The following ZNF827 variants were observed in gnomAD, a reference collection of about 807,000 sequenced individuals.
ZNF827 encodes zinc finger protein 827.
ZNF827 carries 13 observed loss-of-function variants against 102.4 expected under a neutral mutation model. The ratio of observed to expected loss-of-function variants is 0.13; its 90% CI spans 0.08 to 0.20. The LOEUF (loss-of-function observed/expected upper bound fraction) is 0.20. ZNF827 is among the 10% of genes least tolerant of loss of function. The pLI is 1.00. For synonymous variants in ZNF827, 523 were observed against 536.2 expected, an observed-to-expected ratio of 0.98 and a Z score of 0.34; for missense variants, 1,103 against 1,344.4, an observed-to-expected ratio of 0.82 and a Z score of 2.81.
At chr4:145,814,935 T>C (rs956011462) in intron 8 of ZNF827, among the ~76,000 whole-genome samples, 1 of 152,112 alleles carries the variant, frequency 6.6e-6, no homozygotes, top group Admixed American at 6.5e-5. Flanking sequence ...AGCAAGACTC[T>C]GTCTTGGAAA....
chr4:145,830,187 A>G (rs180839265), intron 7 of ZNF827, among the ~76,000 whole-genome samples: 1 of 152,362 alleles, frequency 6.6e-6, no homozygotes, highest in Admixed American at 6.5e-5. Flanking sequence ...AAAGGAAATG[A>G]GAACAAACCG....
At chr4:145,874,586 TGA>T (rs1748993696) in intron 4 of ZNF827, among the ~76,000 whole-genome samples, 1 of 152,222 alleles carries the variant, frequency 6.6e-6, no homozygotes, top group African/African-American at 2.4e-5. Context: ...ACATGTGCAG[TGA>T]GAGGTGGAAT....
At chr4:145,772,979 G>T (rs1228494603) in intron 11 of ZNF827, among the ~76,000 whole-genome samples, 1 of 152,156 alleles carries the variant, frequency 6.6e-6, no homozygotes, top group East Asian at 1.9e-4. Flanking sequence ...TAGCCATATG[G>T]TTTCTATGGT....
At chr4:145,837,524 A>G (rs562357923) in intron 7 of ZNF827, among the ~76,000 whole-genome samples, 2,486 of 152,134 alleles carry the variant, frequency 0.016, 60 homozygotes, top group African/African-American at 0.056. Context: ...TCATACTCCT[A>G]TTCACCGTTC....
intron 4 of ZNF827, among the ~76,000 whole-genome samples, chr4:145,879,155 C>T (rs943917014): frequency 1.3e-5 from 2 of 152,112 alleles, no homozygotes; most frequent in African/African-American, 4.8e-5. Flanking sequence ...ATTAAGTAGT[C>T]AAGAGCCAAC....
chr4:145,822,593 G>A (rs894747535), intron 8 of ZNF827, among the ~76,000 whole-genome samples: 5 of 152,198 alleles, frequency 3.3e-5, no homozygotes, highest in Admixed American at 2.6e-4. Flanking sequence ...AATGTGGATG[G>A]AGGCTACCGA....
chr4:145,795,966 A>G (rs1359593919), intron 8 of ZNF827, among the ~76,000 whole-genome samples: 3 of 152,226 alleles, frequency 2.0e-5, no homozygotes, highest in African/African-American at 7.2e-5. Context: ...TTTGGCCCAC[A>G]TAGTTAAACG....
At chr4:145,886,211 C>A (rs755690171) in intron 3 of ZNF827, 53 bp from the exon 4 acceptor site, 1 of 1,532,446 alleles carries the variant, frequency 6.5e-7, no homozygotes, top group Non-Finnish European at 8.8e-7. Context: ...ATGGAAAATG[C>A]CTTGCTGTAG....
chr4:145,873,031 G>A (rs1361362504), intron 4 of ZNF827, among the ~76,000 whole-genome samples: 1 of 149,222 alleles, frequency 6.7e-6, no homozygotes, highest in African/African-American at 2.5e-5. Flanking sequence ...TGCCTCCTAG[G>A]TTCAAGCAAT....
At chr4:145,779,665 T>C (rs1737664489) in intron 8 of ZNF827, among the ~76,000 whole-genome samples, 154 bp from the exon 9 acceptor site, 1 of 152,232 alleles carries the variant, frequency 6.6e-6, no homozygotes, top group Non-Finnish European at 1.5e-5. Flanking sequence ...GCTCATTTCC[T>C]GTCTCTAAGA....
intron 3 of ZNF827, among the ~76,000 whole-genome samples, chr4:145,890,162 A>G (rs190242073): frequency 6.6e-6 from 1 of 152,182 alleles, no homozygotes; most frequent in African/African-American, 2.4e-5. Context: ...AAAAAAGAAC[A>G]GCCAATAAGT....
At chr4:145,767,082 G>A (rs908085881) in intron 11 of ZNF827, among the ~76,000 whole-genome samples, 7 of 152,190 alleles carry the variant, frequency 4.6e-5, no homozygotes, top group African/African-American at 1.7e-4. Context: ...AATTCGAATT[G>A]AGAATAATCA....
intron 8 of ZNF827, among the ~76,000 whole-genome samples, chr4:145,786,770 G>T (rs1309353517): frequency 2.0e-5 from 3 of 152,154 alleles, no homozygotes; most frequent in Non-Finnish European, 4.4e-5. Context: ...CTCTTTGGGG[G>T]TTAATATCTT....
chr4:145,906,169 C>T (rs1347419471), intron 1 of ZNF827, among the ~76,000 whole-genome samples: 3 of 152,190 alleles, frequency 2.0e-5, no homozygotes, highest in Admixed American at 2.0e-4. Context: ...TCTCAGCTGG[C>T]CCAATGCTTC....
chr4:145,924,360 A>T (rs1378320572), intron 1 of ZNF827, among the ~76,000 whole-genome samples: 1 of 152,208 alleles, frequency 6.6e-6, no homozygotes, highest in Non-Finnish European at 1.5e-5. Context: ...TGTTGTCACT[A>T]TGCTTTTCAT....
chr4:145,835,552 G>A (rs2126577265), intron 7 of ZNF827, among the ~76,000 whole-genome samples: 1 of 149,512 alleles, frequency 6.7e-6, no homozygotes, highest in South Asian at 2.2e-4. Context: ...GACTATTCCT[G>A]GACTACAGCA....
At chr4:145,807,692 G>A (rs1190825044) in intron 8 of ZNF827, among the ~76,000 whole-genome samples, 1 of 150,740 alleles carries the variant, frequency 6.6e-6, no homozygotes, top group South Asian at 2.1e-4. Flanking sequence ...GGCTGGTCTT[G>A]AACTCCTGAC....
chr4:145,789,518 T>C (rs537349213), intron 8 of ZNF827, among the ~76,000 whole-genome samples: 2 of 152,342 alleles, frequency 1.3e-5, no homozygotes, highest in Admixed American at 1.3e-4. Context: ...AGCAGCACTA[T>C]GTATTAGACA....
At chr4:145,825,861 T>C (rs996667738) in intron 7 of ZNF827, among the ~76,000 whole-genome samples, 34 of 152,180 alleles carry the variant, frequency 2.2e-4, no homozygotes, top group African/African-American at 8.2e-4. Flanking sequence ...GATGCCAGCT[T>C]TATCCTGCAT....
Sources: gnomAD v4.1 joint callset for allele counts (sites outside exome capture counted in the v4.1 genomes callset) on GRCh38, gnomAD v4.1.1 for gene constraint, MANE v1.5 for transcripts, NCBI Gene and HGNC (gene_info 2026-07-23, HGNC 2026-07-21) for gene names.